Variants in USP43 observed in about 807,000 individuals in gnomAD.
USP43 encodes the protein ubiquitin specific peptidase 43, also known as ubiquitin carboxyl-terminal hydrolase 43.
USP43 carries 33 observed loss-of-function variants against 90.7 expected under a neutral mutation model. The ratio of observed to expected loss-of-function variants is 0.36; its 90% confidence interval spans 0.28 to 0.49. The LOEUF is 0.49. Ranked by LOEUF, USP43 falls within the 20% of genes least tolerant of loss-of-function variation. The probability of loss-of-function intolerance (pLI) is 0.98; values close to 1 mark genes in which losing one functional copy is unlikely to be tolerated. For missense variants in USP43, 1,274 were observed against 1,476.4 expected (o/e 0.86, Z 2.25); for synonymous variants, 598 against 615.8 (o/e 0.97, Z 0.43).
Position 9,719,832 on chromosome 17 carries a change from C to T in USP43, c.2335+7700C>T, listed in dbSNP as rs378719. ...CTGTAATCCCAGCACTTTGGGAGGC[C>T]GAGGCAGGTGGATCACCTGAGGCTA... is the stretch of plus-strand genomic sequence containing the variant. On this transcript the variant is annotated intron_variant, in intron 14 of 14. Coordinates refer to ENST00000285199, the MANE Select transcript of USP43 (RefSeq NM_153210.5). 8.3e-3 allele frequency among the ~76,000 whole-genome samples: 1,259 copies of T among 152,172 alleles called. 21 individuals are homozygous for T. The highest frequency in any genetic ancestry group is 0.028 in the African/African-American group (1,175 of 41,522).
At position 9,686,037 on chromosome 17, in the gene USP43, CAT is replaced by C. The variant is rs1380867344; in HGVS notation, c.1242-760_1242-759del. Among the ~76,000 whole-genome samples the C allele has an allele frequency of 6.6e-6, 1 of 152,198 alleles. No individual in the cohort carries two copies. Among genetic ancestry groups the C allele is most frequent in the African/African-American group, 2.4e-5 (1 of 41,442 alleles). ...GTGACATTAACTTTTTTAGATTCCA[CAT>C]GAGGGAGTACATGCAGTATTTATCT... is the stretch of plus-strand genomic sequence containing the variant. On this transcript the variant is annotated intron_variant, in intron 7 of 14. Transcript: ENST00000285199. The surrounding 1 kb of genome is among the most constrained non-coding windows in gnomAD (Gnocchi z 5.5).
chr17:9,692,458 T>C (rs1208814696), intron 8 of USP43, among the ~76,000 whole-genome samples: 5 of 152,228 alleles, frequency 3.3e-5, no homozygotes, highest in Admixed American at 6.5e-5. Context: ...ATGTTGCTGA[T>C]CTTTTCATGG....
chr17:9,699,108 G>A (rs550412041), intron 9 of USP43, among the ~76,000 whole-genome samples: 1 of 152,336 alleles, frequency 6.6e-6, no homozygotes, highest in Admixed American at 6.5e-5. Context: ...CATGGGTGGG[G>A]GAGAATGGCA....
chr17:9,653,432 T>C (rs1446435977), intron 1 of USP43, among the ~76,000 whole-genome samples: 1 of 151,772 alleles, frequency 6.6e-6, no homozygotes, highest in Non-Finnish European at 1.5e-5. Context: ...TACTAAAAAT[T>C]CAAAAATTAG....
rs1043764493 is a variant in USP43 at position 9,678,487 on chromosome 17, T to C, written c.969+1606T>C. 2.0e-5 allele frequency among the ~76,000 whole-genome samples: 3 copies of C among 152,098 alleles called. No individual in the cohort carries two copies. In the South Asian group the frequency reaches 6.2e-4, roughly 32 times the overall value. On this transcript the variant is annotated intron_variant, in intron 5 of 14. Coordinates refer to ENST00000285199, the MANE Select transcript of USP43 (RefSeq NM_153210.5). ...TTCTCCTGCCTCAGCCTCCTGAGTA[T>C]GCATCACCACACCCAGCTAATTTTT...
intron 1 of USP43, among the ~76,000 whole-genome samples, chr17:9,652,955 A>T (rs183990984): frequency 2.6e-5 from 4 of 152,228 alleles, no homozygotes; most frequent in Non-Finnish European, 5.9e-5. Flanking sequence ...TTTTTCTTCT[A>T]TGACCGGATT....
intron 4 of USP43, among the ~76,000 whole-genome samples, chr17:9,676,186 A>G (rs1424135442): frequency 6.6e-6 from 1 of 152,192 alleles, no homozygotes; most frequent in East Asian, 1.9e-4. Context: ...CTATTTAACA[A>G]CTAGAGCCTT....
intron 6 of USP43, among the ~76,000 whole-genome samples, chr17:9,681,184 ACT>A: frequency 1.7e-5 from 1 of 60,294 alleles, no homozygotes; most frequent in African/African-American, 1.1e-4. Flanking sequence ...TATATAATAT[ACT>A]ATATAATATA....
At chr17:9,689,432 G>T (rs1158376229) in intron 8 of USP43, among the ~76,000 whole-genome samples, 8 of 150,590 alleles carry the variant, frequency 5.3e-5, no homozygotes, top group Non-Finnish European at 1.2e-4. Flanking sequence ...TTTTTAAAGA[G>T]ATAGAGTCCC....
intron 2 of USP43, 37 bp from the exon 3 acceptor site, chr17:9,666,611 G>GTATC (rs1567652316): frequency 6.5e-7 from 1 of 1,536,322 alleles, no homozygotes; most frequent in Non-Finnish European, 8.9e-7. Flanking sequence ...GATGAGAGGT[G>GTATC]TATCTAATCT....
In USP43 at chr17:9,681,165, AATATATACTATATAATATAC is replaced by A. The variant is rs1567660687; in HGVS notation, c.1105+800_1105+819del. On this transcript the variant is annotated intron_variant, in intron 6 of 14. Transcript: ENST00000285199. The stretch of plus-strand genomic sequence containing the variant: ...ATATACTATATAATATATACTATAT[AATATATACTATATAATATAC>A]TATATAATATATACTATATAATATA... Among the ~76,000 whole-genome samples the A allele has an allele frequency of 3.1e-4, 21 of 66,804 alleles. 2 individuals carry two copies. Among genetic ancestry groups the A allele is most frequent in the East Asian group, 2.6e-3 (2 of 758 alleles). 43.8% of individuals were successfully genotyped at this position (66,804 alleles called of 152,430 possible). A position where few individuals can be genotyped will look rare whatever the true frequency, so the allele number is the denominator to read the frequency against.
intron 1 of USP43, among the ~76,000 whole-genome samples, chr17:9,651,465 G>C (rs1911855829): frequency 6.6e-6 from 1 of 152,066 alleles, no homozygotes; most frequent in Admixed American, 6.6e-5. Context: ...ATGTTCTTAT[G>C]CATCTATCTA....
intron 14 of USP43, among the ~76,000 whole-genome samples, chr17:9,723,518 TTCCCTTCCCC>T (rs1917072460): frequency 7.9e-6 from 1 of 126,732 alleles, no homozygotes; most frequent in African/African-American, 3.2e-5. Flanking sequence ...TTCCCTTCCT[TTCCCTTCCCC>T]TCCCCTCCCC....
At position 9,686,569 on chromosome 17, in the gene USP43, T is replaced by C. The variant is rs938959169; in HGVS notation, c.1242-229T>C. Among the ~76,000 whole-genome samples the C allele has an allele frequency of 6.6e-6, 1 of 152,236 alleles. No homozygotes were observed. The highest frequency in any genetic ancestry group is 1.5e-5 in the Non-Finnish European group (1 of 68,036). On this transcript the variant is annotated intron_variant, in intron 7 of 14. Coordinates refer to ENST00000285199, the MANE Select transcript of USP43 (RefSeq NM_153210.5). The surrounding 1 kb of genome is among the most constrained non-coding windows in gnomAD (Gnocchi z 5.5). Reference sequence around the variant, plus strand: ...CCCTGATAATTAGTGATGTTGGGCATTTTTTCATATGCCTGTTGGCTACGT... The same window carrying C: ...CCCTGATAATTAGTGATGTTGGGCACTTTTTCATATGCCTGTTGGCTACGT...
Position 9,701,364 on chromosome 17 carries a change from G to A in USP43, c.1675G>A (p.Asp559Asn), listed in dbSNP as rs771860189. The A allele has an allele frequency of 6.3e-7, 1 of 1,597,518 alleles. No homozygotes were observed. Among genetic ancestry groups the A allele is most frequent in the South Asian group, 1.1e-5 (1 of 88,008 alleles). ...YTKEEQLAQDDAWKCPHCQVL... is the reference protein window; with the variant it reads ...YTKEEQLAQDNAWKCPHCQVL... The stretch of plus-strand genomic sequence containing the variant: ...GTTTGCTTTCCAGCTGGCCCAGGAT[G>A]ACGCCTGGAAGTGTCCTCACTGCCA... Residue 559 changes from aspartate to asparagine, a missense_variant, in exon 12 of 15, where the codon GAC (aspartate) becomes AAC (asparagine). By Grantham distance (23) the Asp-to-Asn change is conservative. Around this residue, in one of 6 missense-constraint regions of USP43, gnomAD observed 253 missense variants for 276.0 expected, o/e 0.92. Coordinates refer to ENST00000285199, the MANE Select transcript of USP43 (RefSeq NM_153210.5). This position sits in a 1 kb window ranked among gnomAD's most constrained non-coding sequence, Gnocchi z 7.2.
At chr17:9,676,427 T>A (rs1187192706) in intron 4 of USP43, among the ~76,000 whole-genome samples, 1 of 152,186 alleles carries the variant, frequency 6.6e-6, no homozygotes, top group African/African-American at 2.4e-5. Flanking sequence ...TGGAGTGCAG[T>A]GGTGCCATCT....
At chr17:9,707,759 A>G (rs1915969783) in intron 12 of USP43, among the ~76,000 whole-genome samples, 1 of 151,950 alleles carries the variant, frequency 6.6e-6, no homozygotes, top group Non-Finnish European at 1.5e-5. Context: ...TTTGGAAGAC[A>G]CCAAACTATA....
At chr17:9,657,815 A>G (rs1912370305) in intron 2 of USP43, among the ~76,000 whole-genome samples, 1 of 152,216 alleles carries the variant, frequency 6.6e-6, no homozygotes, top group Non-Finnish European at 1.5e-5. Context: ...TATGGGGATT[A>G]TAATTTGAGA....
intron 7 of USP43, among the ~76,000 whole-genome samples, chr17:9,684,008 G>A (rs922654889): frequency 5.3e-5 from 8 of 151,934 alleles, no homozygotes; most frequent in Admixed American, 2.0e-4. Context: ...GTGGTGGCAC[G>A]CACCTGTAGT....
Sources: gnomAD v4.1 joint callset for allele counts (sites outside exome capture counted in the v4.1 genomes callset) on GRCh38, gnomAD v4.1.1 for gene constraint, gnomAD v4.1.1 regional missense constraint, Gnocchi (gnomAD v3.1) non-coding constraint, MANE v1.5 for transcripts, NCBI Gene and HGNC (gene_info 2026-07-23, HGNC 2026-07-21) for gene names.